GALNT13: variants seen among roughly 807,000 people sequenced by gnomAD.
GALNT13 encodes the protein polypeptide N-acetylgalactosaminyltransferase 13, also known as UDP-GalNAc:polypeptide N-acetylgalactosaminyltransferase 13.
GALNT13 carries 28 observed loss-of-function variants against 64.2 expected under a neutral mutation model. The ratio of observed to expected loss-of-function variants is 0.44; its 90% CI spans 0.32 to 0.60. The LOEUF is 0.60. GALNT13 is among the 20% of genes least tolerant of loss of function. The pLI is 0.05. For synonymous variants in GALNT13, 214 were observed against 224.6 expected (o/e 0.95, Z 0.42); for missense variants, 577 against 669.8 (o/e 0.86, Z 1.53).
the GALNT13 span, among the ~76,000 whole-genome samples, chr2:153,552,898 G>T: frequency 2.0e-5 from 3 of 152,078 alleles, no homozygotes; most frequent in African/African-American, 7.2e-5. Context: ...CCTCCTATGA[G>T]AACCTAATGC....
At chr2:154,417,554 A>C (rs1268793806) in intron 11 of GALNT13, among the ~76,000 whole-genome samples, 11 of 141,210 alleles carry the variant, frequency 7.8e-5, no homozygotes, top group Non-Finnish European at 1.2e-4. Context: ...TCTGTTGCCC[A>C]GGCTGGAGTG....
At chr2:153,171,202 G>A in the GALNT13 span, among the ~76,000 whole-genome samples, 9 of 152,306 alleles carry the variant, frequency 5.9e-5, no homozygotes, top group Admixed American at 2.0e-4. Context: ...GTATAGGCAC[G>A]TGATGCACAT....
chr2:153,779,905 T>C, the GALNT13 span, among the ~76,000 whole-genome samples: 1 of 152,172 alleles, frequency 6.6e-6, no homozygotes, highest in Non-Finnish European at 1.5e-5. Flanking sequence ...CTGTTTACAT[T>C]TTCTTCACTG....
chr2:153,597,218 T>C, the GALNT13 span, among the ~76,000 whole-genome samples: 1 of 152,098 alleles, frequency 6.6e-6, no homozygotes, highest in South Asian at 2.1e-4. Context: ...AATTATTTTG[T>C]ATTTCAGTAC....
the GALNT13 span, among the ~76,000 whole-genome samples, chr2:153,630,826 T>G: frequency 2.2e-5 from 2 of 92,528 alleles, no homozygotes; most frequent in African/African-American, 4.2e-5. Context: ...TTTTTTTTTA[T>G]TATACTTTAA....
chr2:153,371,354 TAAA>T, the GALNT13 span, among the ~76,000 whole-genome samples: 4 of 152,086 alleles, frequency 2.6e-5, no homozygotes, highest in African/African-American at 9.7e-5. Context: ...GGAAAGGTAA[TAAA>T]AAGGATGTAG....
chr2:153,614,943 C>G, the GALNT13 span, among the ~76,000 whole-genome samples: 1 of 151,926 alleles, frequency 6.6e-6, no homozygotes, highest in South Asian at 2.1e-4. Context: ...TATAGTAACC[C>G]TGTTGTGTTA....
the GALNT13 span, among the ~76,000 whole-genome samples, chr2:153,667,161 T>C: frequency 1.3e-5 from 2 of 152,136 alleles, no homozygotes; most frequent in South Asian, 4.1e-4. Flanking sequence ...CTACAACTCA[T>C]TGGCAACCCT....
chr2:153,632,068 T>C, the GALNT13 span, among the ~76,000 whole-genome samples: 15 of 152,304 alleles, frequency 9.8e-5, no homozygotes, highest in African/African-American at 3.6e-4. Flanking sequence ...TCTTAAGAAT[T>C]ATCAAGCTCT....
the GALNT13 span, among the ~76,000 whole-genome samples, chr2:153,100,284 T>C: frequency 1.3e-5 from 2 of 152,212 alleles, no homozygotes; most frequent in East Asian, 1.9e-4. Flanking sequence ...TCCCAGATAA[T>C]GAGCACATGC....
chr2:153,700,267 A>T, the GALNT13 span, among the ~76,000 whole-genome samples: 2 of 152,222 alleles, frequency 1.3e-5, no homozygotes, highest in Non-Finnish European at 2.9e-5. Flanking sequence ...CAATAGATGC[A>T]GAAAAGGCTT....
At chr2:154,265,193 A>G (rs897754475) in intron 8 of GALNT13, among the ~76,000 whole-genome samples, 10 of 152,142 alleles carry the variant, frequency 6.6e-5, no homozygotes, top group African/African-American at 9.6e-5. Flanking sequence ...AAACTTGACA[A>G]CTTAGATAAA....
chr2:153,991,866 G>C (rs1246902252), intron 3 of GALNT13, among the ~76,000 whole-genome samples: 3 of 152,122 alleles, frequency 2.0e-5, no homozygotes, highest in Non-Finnish European at 4.4e-5. Flanking sequence ...TTTTGGATCA[G>C]GGTGTTGAAG....
the GALNT13 span, among the ~76,000 whole-genome samples, chr2:153,102,813 G>A: frequency 1.5e-3 from 230 of 152,180 alleles, 1 homozygote; most frequent in Middle Eastern, 0.01. Flanking sequence ...CATGCCAAAA[G>A]GTGCTATGTA....
the GALNT13 span, among the ~76,000 whole-genome samples, chr2:153,608,522 A>G: frequency 6.6e-6 from 1 of 151,802 alleles, no homozygotes; most frequent in South Asian, 2.1e-4. Flanking sequence ...TCATGATAAT[A>G]TTGCTTTATG....
intron 12 of GALNT13, 135 bp from the exon 13 acceptor site, chr2:154,450,276 T>C (rs1701819754): frequency 4.6e-6 from 3 of 658,830 alleles, no homozygotes; most frequent in Non-Finnish European, 7.5e-6. Flanking sequence ...CTGTGCACAG[T>C]TCCTTTTACA....
chr2:154,350,866 G>A (rs1271144160), intron 9 of GALNT13, among the ~76,000 whole-genome samples: 1 of 152,280 alleles, frequency 6.6e-6, no homozygotes, highest in East Asian at 1.9e-4. Context: ...TACAGCAGGT[G>A]TTCAGTGATA....
At chr2:153,571,919 G>A in the GALNT13 span, among the ~76,000 whole-genome samples, 1 of 151,004 alleles carries the variant, frequency 6.6e-6, no homozygotes, top group East Asian at 1.9e-4. Flanking sequence ...TTTTTTTGAT[G>A]TGTGTTTGTT....
intron 4 of GALNT13, among the ~76,000 whole-genome samples, chr2:154,147,768 C>G (rs950783483): frequency 2.6e-5 from 4 of 151,966 alleles, no homozygotes; most frequent in African/African-American, 9.7e-5. Context: ...CTTTCTAAAT[C>G]TACCTGGTAA....
Sources: allele counts gnomAD v4.1 joint callset (sites outside exome capture counted in the v4.1 genomes callset), GRCh38; gene constraint gnomAD v4.1.1; transcripts MANE v1.5; gene names NCBI Gene and HGNC (gene_info 2026-07-23, HGNC 2026-07-21).